The following SZT2 variants were observed in gnomAD, a reference collection of about 807,000 sequenced individuals.
The protein encoded by SZT2 is SZT2 subunit of KICSTOR complex, also known as KICSTOR complex protein SZT2.
Under a neutral mutation model 404.2 loss-of-function variants are expected in SZT2, and 216 were observed. The observed-to-expected ratio is 0.53, with a 90% confidence interval of 0.48 to 0.60. SZT2 has a LOEUF of 0.60. Ranked by LOEUF, SZT2 falls within the 20% of genes least tolerant of loss-of-function variation. SZT2 has a pLI of 0.00. For synonymous variants in SZT2, 1,693 were observed against 1,749.9 expected (o/e 0.97, Z 0.81); for missense variants, 3,857 against 4,459.2 (o/e 0.86, Z 3.85).
rs1321325030 is a variant in SZT2 at position 43,427,145 on chromosome 1, T to C, written c.3399T>C (p.His1133=). The stretch of plus-strand genomic sequence containing the variant: ...ATGCAAGGCTTGTGAACCCCCAGCA[T>C]GTGTTTCTGACTTTTCTCCCAGCTA... ...RCYARLVNPQ[H]VFLTFLPATF... The change falls in exon 24 of 72, where the codon CAT becomes CAC. Residue 1133 remains histidine, a synonymous_variant. Coordinates refer to ENST00000634258, the MANE Select transcript of SZT2 (RefSeq NM_001365999.1). The C allele has an allele frequency of 1.2e-6, 2 of 1,614,182 alleles. No homozygotes were observed. The highest frequency in any genetic ancestry group is 1.7e-5 in the Admixed American group (1 of 60,024).
At chr1:43,446,607 C>T (rs1311047047) in intron 65 of SZT2, 191 bp downstream of exon 65, 2 of 695,410 alleles carry the variant, frequency 2.9e-6, no homozygotes, top group African/African-American at 3.6e-5. Flanking sequence ...AGGCTGACCC[C>T]ATCGGTCATC....
At position 43,450,555 on chromosome 1, in the gene SZT2, C is replaced by G. The variant is rs1384141256; in HGVS notation, c.*75C>G. The stretch of plus-strand genomic sequence containing the variant: ...ACCAGATTGCCTGCCAGAGGCAGGA[C>G]TGACCAGCCCTTCTGGGCCCCAGGG... On this transcript the variant is annotated 3_prime_UTR_variant, in exon 72 of 72. Transcript: ENST00000634258. The surrounding 1 kb of genome is among the most constrained non-coding windows in gnomAD (Gnocchi z 4.3). 1.3e-6 allele frequency: 2 copies of G among 1,585,952 alleles called. No individual in the cohort carries two copies. The highest frequency in any genetic ancestry group is 2.7e-5 in the African/African-American group (2 of 74,500).
chr1:43,427,741 G>T lies in SZT2; in HGVS notation c.3803+7G>T, dbSNP rs767310930. 2 of 1,612,366 alleles carry T rather than the reference G, an allele frequency of 1.2e-6. No homozygotes were observed. Among genetic ancestry groups the T allele is most frequent in the Admixed American group, 1.7e-5 (1 of 59,940 alleles). On this transcript the variant is annotated splice_region_variant and intron_variant, in intron 26 of 71. Transcript: ENST00000634258. Reference sequence around the variant, plus strand: ...CCCGAGACCTCATCTTCCGGTGAGTGCCTTCAGTGTTGACCTAAGTCCTCG... The same window carrying T: ...CCCGAGACCTCATCTTCCGGTGAGTTCCTTCAGTGTTGACCTAAGTCCTCG...
chr1:43,414,966 G>C, intron 4 of SZT2, 116 bp from the exon 5 acceptor site: 2 of 1,337,140 alleles, frequency 1.5e-6, no homozygotes, highest in Non-Finnish European at 2.0e-6. Context: ...TTAGACCCTG[G>C]TTGGGTAGGA....
Position 43,435,239 on chromosome 1 carries a change from A to C in SZT2, c.5944A>C (p.Asn1982His). 1 of 1,614,198 alleles carries C rather than the reference A, an allele frequency of 6.2e-7. No individual in the cohort carries two copies. Among genetic ancestry groups the C allele is most frequent in the Non-Finnish European group, 8.5e-7 (1 of 1,180,028 alleles). ...AGACCTTCATGACAGCCACGTGTGT[A>C]ACTCTCTTCTGGTGGCCGAGAGTGA... The part of the protein sequence containing the change: ...LQDLHDSHVC[N>H]SLLVAESEED... The change falls in exon 42 of 72, where the codon AAC becomes CAC. Residue 1982 changes from asparagine (N) to histidine (H), a missense_variant. By Grantham distance (68) the Asn-to-His change is moderately conservative. Transcript: ENST00000634258.
chr1:43,434,618 G>A, intron 41 of SZT2, 133 bp downstream of exon 41: 1 of 800,772 alleles, frequency 1.2e-6, no homozygotes, highest in South Asian at 1.6e-5. Flanking sequence ...TCCCCAGTTA[G>A]TAGGATGCTG....
In SZT2 at chr1:43,441,835, T is replaced by C. The variant is rs1409069383; in HGVS notation, c.7742+17T>C. On this transcript the variant is annotated intron_variant, in intron 55 of 71. Coordinates refer to ENST00000634258, the MANE Select transcript of SZT2 (RefSeq NM_001365999.1). The surrounding 1 kb of genome is among the most constrained non-coding windows in gnomAD (Gnocchi z 4.8). ...GCAGCATTTGTGAGTGTAGATCCTA[T>C]AGAATTGAAGGGAACTCCCCTAGAC... is the stretch of plus-strand genomic sequence containing the variant. 2 of 1,574,338 alleles carry C rather than the reference T, an allele frequency of 1.3e-6. No homozygotes were observed. The highest frequency in any genetic ancestry group is 1.7e-6 in the Non-Finnish European group (2 of 1,159,542).
intron 5 of SZT2, 127 bp downstream of exon 5, chr1:43,415,340 A>G (rs968252823): frequency 8.6e-7 from 1 of 1,163,040 alleles, no homozygotes; most frequent in Non-Finnish European, 1.2e-6. Context: ...TGAGACAAGG[A>G]TAGGCATGCT....
intron 1 of SZT2, among the ~76,000 whole-genome samples, chr1:43,399,703 C>T (rs1203165385): frequency 2.0e-5 from 3 of 151,828 alleles, no homozygotes; most frequent in South Asian, 2.1e-4. Context: ...CCTCGTGAAC[C>T]GCCTGCCTTG....
chr1:43,399,028 C>T (rs562877458), intron 1 of SZT2, among the ~76,000 whole-genome samples: 1 of 151,628 alleles, frequency 6.6e-6, no homozygotes, highest in Admixed American at 6.6e-5. Context: ...TGCAGTGAGC[C>T]GAGATTGCGC....
Position 43,438,719 on chromosome 1 carries a change from C to T in SZT2, c.6529C>T (p.Leu2177Phe). The T allele has an allele frequency of 6.2e-7, 1 of 1,614,058 alleles. No individual in the cohort carries two copies. Among genetic ancestry groups the T allele is most frequent in the Non-Finnish European group, 8.5e-7 (1 of 1,179,986 alleles). Reference protein sequence around the residue: ...GQAGPEITDELVRVLCRRLDE... With the variant: ...GQAGPEITDEFVRVLCRRLDE... ...TCAAGGTCCTGAGATCACGGATGAG[C>T]TCGTGCGAGTTCTATGTCGGCGCCT... The change falls in exon 47 of 72, where the codon CTC (leucine) becomes TTC (phenylalanine). Residue 2177 changes from leucine to phenylalanine, a missense_variant. Leu to Phe is a conservative substitution (Grantham distance 22, BLOSUM62 0). This residue lies in a region of SZT2 where 261 missense variants were observed against 372.9 expected (regional missense o/e 0.70). Transcript: ENST00000634258.
chr1:43,450,806 CT>C lies in SZT2; in HGVS notation c.*327del. On this transcript the variant is annotated 3_prime_UTR_variant, in exon 72 of 72. Coordinates refer to ENST00000634258, the MANE Select transcript of SZT2 (RefSeq NM_001365999.1). The surrounding 1 kb of genome is among the most constrained non-coding windows in gnomAD (Gnocchi z 4.3). ...GTTCACACAGGGTGGCAAACACCCC[CT>C]AGAGCTCCTCTGCCTGAATCCTGCC... The C allele has an allele frequency of 1.4e-6, 1 of 709,032 alleles. No individual in the cohort carries two copies. Among genetic ancestry groups the C allele is most frequent in the Non-Finnish European group, 2.6e-6 (1 of 382,264 alleles). The allele number at this position is 709,032 out of a possible 1,614,324, so 43.9% of individuals were successfully genotyped here.
Position 43,423,281 on chromosome 1 carries a change from G to T in SZT2, c.2220G>T (p.Val740=), listed in dbSNP as rs576623885. 6.4e-7 allele frequency: 1 copy of T among 1,560,022 alleles called. No homozygotes were observed. The highest frequency in any genetic ancestry group is 1.2e-5 in the South Asian group (1 of 83,968). The part of the protein sequence containing the change: ...QQALSDRPCL[V]VLHKPLDKLL... ...CCCTGTCTGACCGGCCCTGCCTTGT[G>T]GTCCTGCATAAGCCACTGGACAAAC... The change falls in exon 15 of 72, where the codon GTG becomes GTT. Residue 740 remains valine, a synonymous_variant. Transcript: ENST00000634258.
In SZT2 at chr1:43,453,546, G is replaced by GCGCCCCGGCA; in HGVS notation, c.*3068_*3077dup. 5.9e-6 allele frequency: 9 copies of GCGCCCCGGCA among 1,520,214 alleles called. No homozygotes were observed. The highest frequency in any genetic ancestry group is 7.1e-6 in the Non-Finnish European group (8 of 1,129,774). 94.2% of individuals were successfully genotyped at this position (1,520,214 alleles called of 1,614,324 possible). A position where few individuals can be genotyped will look rare whatever the true frequency, so the allele number is the denominator to read the frequency against. On this transcript the variant is annotated 3_prime_UTR_variant, in exon 72 of 72. Coordinates refer to ENST00000634258, the MANE Select transcript of SZT2 (RefSeq NM_001365999.1). Reference sequence around the variant, plus strand: ...CCCCGGCTCGGACACTCCCCTGCCCGCGCCCCGGCACCCCCCAGCCCTCCC... The same window carrying GCGCCCCGGCA: ...CCCCGGCTCGGACACTCCCCTGCCCGCGCCCCGGCACGCCCCGGCACCCCCCAGCCCTCCC...
rs769300467 is a variant in SZT2, at chr1:43,451,274, G to T, written c.*794G>T. On this transcript the variant is annotated 3_prime_UTR_variant, in exon 72 of 72. Coordinates refer to ENST00000634258, the MANE Select transcript of SZT2 (RefSeq NM_001365999.1). ...CCTCTGGGTGGCCCCGCCTATCCCA[G>T]TATGAACGTAGCCAACTCAAGCCCT... The T allele has an allele frequency of 5.6e-6, 9 of 1,614,090 alleles. No individual in the cohort carries two copies. In the South Asian group the frequency reaches 9.9e-5, roughly 18 times the overall value.
rs1655841421 is a variant in SZT2 at position 43,447,668 on chromosome 1, A to G, written c.9410A>G (p.Asn3137Ser). 6.2e-7 allele frequency: 1 copy of G among 1,614,196 alleles called. No homozygotes were observed. The highest frequency in any genetic ancestry group is 1.3e-5 in the African/African-American group (1 of 75,068). Reference sequence around the variant, plus strand: ...GCCCGGCCAGGGGGCCCAGAACACAACGAGTATGCCCTGGTGTCGGCATGG... The same window carrying G: ...GCCCGGCCAGGGGGCCCAGAACACAGCGAGTATGCCCTGGTGTCGGCATGG... ...RMARPGGPEHNEYALVSAWHS... is the reference protein window; with the variant it reads ...RMARPGGPEHSEYALVSAWHS... Residue 3137 changes from asparagine (N) to serine (S), a missense_variant, in exon 67 of 72, where the codon AAC becomes AGC. Physicochemically the swap from Asn to Ser is conservative, Grantham distance 46. Coordinates refer to ENST00000634258, the MANE Select transcript of SZT2 (RefSeq NM_001365999.1).
chr1:43,391,675 G>A (rs980264866), intron 1 of SZT2, among the ~76,000 whole-genome samples: 3 of 152,216 alleles, frequency 2.0e-5, no homozygotes, highest in Non-Finnish European at 4.4e-5. Context: ...GTGGAGGGAT[G>A]TTGTGGGGAA....
intron 39 of SZT2, 68 bp from the exon 40 acceptor site, chr1:43,432,921 G>T: frequency 6.3e-7 from 1 of 1,597,552 alleles, no homozygotes; most frequent in South Asian, 1.1e-5. Flanking sequence ...CAAGCCAGAT[G>T]CACCTGGAGG....
rs748133903 is a variant in SZT2, at chr1:43,440,506, A to G, written c.7264A>G (p.Thr2422Ala). 9 of 1,608,424 alleles carry G rather than the reference A, an allele frequency of 5.6e-6. No individual in the cohort carries two copies. In the Admixed American group the frequency reaches 6.8e-5, roughly 12 times the overall value. The change falls in exon 52 of 72, where the codon ACC becomes GCC. Residue 2422 changes from threonine (T) to alanine (A), a missense_variant. By Grantham distance (58) the Thr-to-Ala change is moderately conservative. This residue lies in a region of SZT2 where 573 missense variants were observed against 592.4 expected (regional missense o/e 0.97). Transcript: ENST00000634258. ...ETKSSAGRAS[T>A]FPPAPVPGEP... The stretch of plus-strand genomic sequence containing the variant: ...TAAGAGCTCTGCAGGCCGAGCTAGC[A>G]CCTTTCCCCCTGCCCCTGTCCCTGG...
Sources: gnomAD v4.1 joint callset for allele counts (sites outside exome capture counted in the v4.1 genomes callset) on GRCh38, gnomAD v4.1.1 for gene constraint, gnomAD v4.1.1 regional missense constraint, Gnocchi (gnomAD v3.1) non-coding constraint, MANE v1.5 for transcripts, NCBI Gene and HGNC (gene_info 2026-07-23, HGNC 2026-07-21) for gene names.